CCDC91: variants seen among roughly 807,000 people sequenced by gnomAD.
The protein encoded by CCDC91 is coiled-coil domain containing 91.
A neutral mutation model predicts 63.2 loss-of-function variants in CCDC91; 48 were observed. That is an observed-to-expected ratio of 0.76 (90% CI 0.60 to 0.97). The LOEUF (loss-of-function observed/expected upper bound fraction) is 0.97. Among genes scored for constraint, CCDC91 ranks in the 50% least tolerant of loss-of-function variants. CCDC91 has a pLI of 0.00. For synonymous variants in CCDC91, 167 were observed against 165.8 expected (o/e 1.01, Z -0.06); for missense variants, 500 against 494.6 (o/e 1.01, Z -0.10).
chr12:28,441,342 T>C (rs1183332278), intron 8 of CCDC91, among the ~76,000 whole-genome samples: 1 of 151,862 alleles, frequency 6.6e-6, no homozygotes. Context: ...ATAAATTTAA[T>C]CATACACAGT....
chr12:28,346,525 A>AAG (rs1942823663), intron 6 of CCDC91, among the ~76,000 whole-genome samples: 2 of 152,148 alleles, frequency 1.3e-5, no homozygotes, highest in African/African-American at 4.8e-5. Context: ...CCGTCCCTTC[A>AAG]GTGTGTAGTA....
chr12:28,253,697 G>A (rs1001663512), intron 1 of CCDC91, among the ~76,000 whole-genome samples: 10 of 152,204 alleles, frequency 6.6e-5, no homozygotes, highest in South Asian at 2.1e-4. Flanking sequence ...TTATGCAGAA[G>A]CCAATAATCA....
intron 12 of CCDC91, among the ~76,000 whole-genome samples, chr12:28,499,264 T>C (rs1382146440): frequency 1.3e-5 from 2 of 151,716 alleles, no homozygotes; most frequent in Non-Finnish European, 3.0e-5. Context: ...CTTCTGTTGG[T>C]TAAGTAGTAT....
chr12:28,300,849 G>A lies in CCDC91; in HGVS notation c.110-4800G>A, dbSNP rs550243748. On this transcript the variant is annotated intron_variant, in intron 3 of 12. Transcript: ENST00000536442. ...AATTTATTCTTAAGTACTGTATTGTGTCTTTGTTGCAGTGAAAAATACTTA... is the reference window on the plus strand; with the variant it reads ...AATTTATTCTTAAGTACTGTATTGTATCTTTGTTGCAGTGAAAAATACTTA... Among the ~76,000 whole-genome samples the A allele has an allele frequency of 2.0e-5, 3 of 151,458 alleles. No homozygotes were observed. The East Asian group carries it at 5.8e-4, about 29-fold the overall frequency.
intron 3 of CCDC91, among the ~76,000 whole-genome samples, chr12:28,303,828 A>G (rs1483016720): frequency 6.6e-6 from 1 of 152,094 alleles, no homozygotes; most frequent in Admixed American, 6.6e-5. Flanking sequence ...TCTAGAGTCT[A>G]TGCTCTTAAT....
intron 3 of CCDC91, among the ~76,000 whole-genome samples, chr12:28,283,110 A>T (rs1242504437): frequency 2.0e-5 from 3 of 151,750 alleles, no homozygotes; most frequent in Non-Finnish European, 4.4e-5. Flanking sequence ...TGGTTACTAT[A>T]GCCTTGTAGT....
intron 6 of CCDC91, among the ~76,000 whole-genome samples, chr12:28,360,534 G>A (rs1311965698): frequency 6.6e-6 from 1 of 152,124 alleles, no homozygotes; most frequent in Non-Finnish European, 1.5e-5. Context: ...GTGGAAGATT[G>A]TATAGGAAGT....
chr12:28,201,343 C>A (rs879977044), intron 1 of CCDC91, among the ~76,000 whole-genome samples: 2 of 150,144 alleles, frequency 1.3e-5, no homozygotes, highest in South Asian at 2.1e-4. Flanking sequence ...TCCTCACCTC[C>A]CAGACGGGGT....
At chr12:28,300,875 T>C (rs1391941042) in intron 3 of CCDC91, among the ~76,000 whole-genome samples, 1 of 151,672 alleles carries the variant, frequency 6.6e-6, no homozygotes, top group Non-Finnish European at 1.5e-5. Context: ...AAAATACTTA[T>C]TTTCTTTACC....
chr12:28,265,883 T>C (rs1411195528), intron 3 of CCDC91, among the ~76,000 whole-genome samples: 2 of 152,096 alleles, frequency 1.3e-5, no homozygotes, highest in Non-Finnish European at 2.9e-5. Context: ...ACTTTCCGTC[T>C]GTCTTTGTAT....
chr12:28,232,430 G>A (rs1235549756), intron 1 of CCDC91, among the ~76,000 whole-genome samples: 1 of 151,834 alleles, frequency 6.6e-6, no homozygotes, highest in African/African-American at 2.4e-5. Context: ...TTATGTACTT[G>A]TGTGATGCCA....
intron 3 of CCDC91, among the ~76,000 whole-genome samples, chr12:28,300,475 A>G (rs148369601): frequency 5.8e-4 from 88 of 151,162 alleles, no homozygotes; most frequent in African/African-American, 2.0e-3. Context: ...TAGAGATTGT[A>G]TAACATAATT....
intron 11 of CCDC91, among the ~76,000 whole-genome samples, chr12:28,463,291 TA>T (rs1950397400): frequency 1.3e-5 from 2 of 152,154 alleles, no homozygotes; most frequent in South Asian, 4.1e-4. Flanking sequence ...GGGACAGTAT[TA>T]TAAAACAGAG....
At chr12:28,487,335 C>T (rs1951778455) in intron 12 of CCDC91, among the ~76,000 whole-genome samples, 1 of 151,544 alleles carries the variant, frequency 6.6e-6, no homozygotes, top group Non-Finnish European at 1.5e-5. Context: ...TACTAGACCT[C>T]TTTATTATGT....
At chr12:28,295,729 G>T (rs545263046) in intron 3 of CCDC91, among the ~76,000 whole-genome samples, 63 of 152,116 alleles carry the variant, frequency 4.1e-4, no homozygotes, top group Non-Finnish European at 6.5e-4. Flanking sequence ...ATGTTCTAAT[G>T]AGTTTAAAAA....
intron 8 of CCDC91, among the ~76,000 whole-genome samples, chr12:28,417,607 C>T (rs997404881): frequency 2.0e-4 from 27 of 135,456 alleles, no homozygotes; most frequent in Admixed American, 3.3e-4. Flanking sequence ...AGCTGTACAA[C>T]GTGAACCTTT....
At chr12:28,460,893 G>T (rs1950274839) in intron 11 of CCDC91, among the ~76,000 whole-genome samples, 1 of 151,724 alleles carries the variant, frequency 6.6e-6, no homozygotes, top group Non-Finnish European at 1.5e-5. Flanking sequence ...CTGTCTTTTG[G>T]TCTCTTAACC....
intron 12 of CCDC91, among the ~76,000 whole-genome samples, chr12:28,509,180 T>C (rs532911264): frequency 1.3e-5 from 2 of 152,056 alleles, no homozygotes; most frequent in East Asian, 3.9e-4. Context: ...GAGAGAATGT[T>C]CCCATATCAA....
At chr12:28,348,831 C>G (rs1942993305) in intron 6 of CCDC91, among the ~76,000 whole-genome samples, 1 of 152,158 alleles carries the variant, frequency 6.6e-6, no homozygotes, top group Non-Finnish European at 1.5e-5. Flanking sequence ...TCAAGCGATT[C>G]TCCCACTTCA....
Sources: gnomAD v4.1 joint callset for allele counts (sites outside exome capture counted in the v4.1 genomes callset) on GRCh38, gnomAD v4.1.1 for gene constraint, MANE v1.5 for transcripts, NCBI Gene and HGNC (gene_info 2026-07-23, HGNC 2026-07-21) for gene names.